Variants in FRMPD4 observed in about 807,000 individuals in gnomAD.
The protein encoded by FRMPD4 is FERM and PDZ domain containing 4.
FRMPD4 carries 22 observed loss-of-function variants against 94.1 expected under a neutral mutation model. That is an observed-to-expected ratio of 0.23 (90% CI 0.17 to 0.33). The LOEUF (loss-of-function observed/expected upper bound fraction) is 0.33, where lower values mean the gene tolerates loss of function less well. FRMPD4 is among the 10% of genes least tolerant of loss of function. FRMPD4 has a pLI of 1.00. For synonymous variants in FRMPD4, 631 were observed against 548.6 expected (o/e 1.15, Z -2.10); for missense variants, 1,111 against 1,339.9 (o/e 0.83, Z 2.67).
chrX:12,239,375 C>T (rs1233759784), intron 1 of FRMPD4, among the ~76,000 whole-genome samples: 1 of 112,695 alleles, frequency 8.9e-6, no homozygotes, highest in African/African-American at 3.2e-5. Context: ...TAGTGTTTCT[C>T]CAAGGAAACT....
intron 1 of FRMPD4, among the ~76,000 whole-genome samples, chrX:12,146,894 C>T (rs2055776663): frequency 8.9e-6 from 1 of 111,972 alleles, no homozygotes; most frequent in Non-Finnish European, 1.9e-5. Context: ...AGTATGCTAT[C>T]GAAGGTTTCC....
rs1172824155 is a variant in FRMPD4 at position 11,978,321 on chromosome X, CAAAAAAAAAAAAAAA to C, written c.95+100317_95+100331del. 3.7e-4 allele frequency among the ~76,000 whole-genome samples: 6 copies of C among 16,355 alleles called. No homozygotes were observed. The South Asian group carries it at 0.049, about 134-fold the overall frequency. 14.2% of individuals were successfully genotyped at this position (16,355 alleles called of 115,157 possible). A position where few individuals can be genotyped will look rare whatever the true frequency, so the allele number is the denominator to read the frequency against. On this transcript the variant is annotated intron_variant, in intron 3 of 18. Coordinates refer to the FRMPD4 transcript ENST00000640291. The stretch of plus-strand genomic sequence containing the variant: ...TGGATGACAGAGTGAAACTCCATCT[CAAAAAAAAAAAAAAA>C]AAAAAAAAAAAAAGTTCCCTGGCTG...
Position 12,689,367 on chromosome X carries a change from A to C in FRMPD4, c.682-828A>C, listed in dbSNP as rs565259464. On this transcript the variant is annotated intron_variant, in intron 7 of 16. Transcript: ENST00000675598. ...ATATGTATATTATTATGGTGCCCTC[A>C]CTCTGTGCCAAACAATGTTATAATA... Among the ~76,000 whole-genome samples, 14 of 111,631 alleles carry C rather than the reference A, an allele frequency of 1.3e-4. No homozygotes were observed. In the South Asian group the frequency reaches 5.3e-3, roughly 42 times the overall value.
intron 3 of FRMPD4, among the ~76,000 whole-genome samples, chrX:11,928,069 T>A (rs1298853299): frequency 9.0e-6 from 1 of 110,992 alleles, no homozygotes; most frequent in South Asian, 3.7e-4. Flanking sequence ...AACAAAACAA[T>A]CCCATTAAAA....
chrX:12,029,139 A>C (rs2054677549), intron 3 of FRMPD4, among the ~76,000 whole-genome samples: 1 of 112,109 alleles, frequency 8.9e-6, no homozygotes, highest in African/African-American at 3.2e-5. Flanking sequence ...CCTTGCTAAC[A>C]TTTGTTGTTG....
chrX:12,694,761 T>C (rs1011384794), intron 9 of FRMPD4, among the ~76,000 whole-genome samples: 1 of 112,040 alleles, frequency 8.9e-6, no homozygotes, highest in African/African-American at 3.2e-5. Flanking sequence ...CAAATACACA[T>C]ACAAATGTAT....
chrX:12,195,066 A>G (rs1467780249), intron 1 of FRMPD4, among the ~76,000 whole-genome samples: 2 of 112,440 alleles, frequency 1.8e-5, no homozygotes, highest in African/African-American at 6.5e-5. Flanking sequence ...CATGTTAAAT[A>G]CTGTATAGAA....
chrX:12,360,259 G>T (rs1025035837), intron 1 of FRMPD4, among the ~76,000 whole-genome samples: 3 of 111,729 alleles, frequency 2.7e-5, no homozygotes, highest in Non-Finnish European at 5.6e-5. Flanking sequence ...AGTTCATTTT[G>T]ATTCTATCCT....
intron 1 of FRMPD4, among the ~76,000 whole-genome samples, chrX:12,475,854 G>A (rs1317947150): frequency 9.0e-6 from 1 of 111,477 alleles, no homozygotes; most frequent in Non-Finnish European, 1.9e-5. Context: ...CTCATGGGTA[G>A]GAAGAATCAA....
intron 3 of FRMPD4, among the ~76,000 whole-genome samples, chrX:11,908,550 G>C (rs1438316891): frequency 9.0e-6 from 1 of 111,691 alleles, no homozygotes; most frequent in Non-Finnish European, 1.9e-5. Context: ...TCCAAATCAA[G>C]GTAGCCCCAT....
intron 1 of FRMPD4, among the ~76,000 whole-genome samples, chrX:12,362,745 G>C (rs2056013892): frequency 1.8e-5 from 2 of 111,750 alleles, no homozygotes; most frequent in Admixed American, 1.9e-4. Flanking sequence ...TGGGTCAAAT[G>C]GTATTTCTAG....
At chrX:12,208,827 A>G (rs2056724766) in intron 1 of FRMPD4, among the ~76,000 whole-genome samples, 1 of 111,709 alleles carries the variant, frequency 9.0e-6, no homozygotes, top group Admixed American at 9.5e-5. Flanking sequence ...GTCTATATCT[A>G]AAGCGTAAAG....
At chrX:12,527,823 T>C (rs2148283749) in intron 2 of FRMPD4, among the ~76,000 whole-genome samples, 1 of 112,261 alleles carries the variant, frequency 8.9e-6, no homozygotes, top group Non-Finnish European at 1.9e-5. Context: ...GTTGTTGGAA[T>C]TTTTCCTAAG....
chrX:12,488,564 T>C lies in FRMPD4; in HGVS notation c.42-10116T>C, dbSNP rs772617797. Among the ~76,000 whole-genome samples the C allele has an allele frequency of 2.7e-5, 3 of 111,935 alleles. No homozygotes were observed. In the South Asian group the frequency reaches 1.1e-3, roughly 42 times the overall value. On this transcript the variant is annotated intron_variant, in intron 1 of 16. Coordinates refer to ENST00000675598, the MANE Select transcript of FRMPD4 (RefSeq NM_001368397.1). ...AGAGATTTAAAACTCCCCATAAATA[T>C]GCAGGTATGTGATGGGTTGAACTAT...
chrX:11,868,060 T>C (rs1451310575), intron 2 of FRMPD4, among the ~76,000 whole-genome samples: 2 of 111,936 alleles, frequency 1.8e-5, no homozygotes, highest in Non-Finnish European at 3.8e-5. Context: ...CTACTATCTA[T>C]TTAATGCTCC....
chrX:11,848,836 C>T (rs1455860789), intron 1 of FRMPD4, among the ~76,000 whole-genome samples: 1 of 111,659 alleles, frequency 9.0e-6, no homozygotes, highest in African/African-American at 3.2e-5. Context: ...TCAATATGTT[C>T]TATAGCTGAC....
intron 3 of FRMPD4, among the ~76,000 whole-genome samples, chrX:11,928,072 C>G (rs1447688240): frequency 8.9e-6 from 1 of 112,063 alleles, no homozygotes; most frequent in African/African-American, 3.2e-5. Flanking sequence ...AAAACAATCC[C>G]ATTAAAAAGT....
chrX:12,139,208 C>T (rs1316800463), intron 1 of FRMPD4, among the ~76,000 whole-genome samples, 196 bp downstream of exon 1: 1 of 111,120 alleles, frequency 9.0e-6, no homozygotes, highest in Non-Finnish European at 1.9e-5. Context: ...GGGTGTAGAC[C>T]ACACACAGAG....
At position 12,367,120 on chromosome X, in the gene FRMPD4, A is replaced by G. The variant is rs367578075; in HGVS notation, c.42-131560A>G. Among the ~76,000 whole-genome samples the G allele has an allele frequency of 8.9e-5, 10 of 112,222 alleles. No homozygotes were observed. In the East Asian group the frequency reaches 2.5e-3, roughly 28 times the overall value. On this transcript the variant is annotated intron_variant, in intron 1 of 16. Transcript: ENST00000675598. ...TGGGAGCAGGTGAAACAGCAGAGACATATACAACCTTGCTTTTCCATTCAC... is the reference window on the plus strand; with the variant it reads ...TGGGAGCAGGTGAAACAGCAGAGACGTATACAACCTTGCTTTTCCATTCAC...
Sources: allele counts gnomAD v4.1 joint callset (sites outside exome capture counted in the v4.1 genomes callset), GRCh38; gene constraint gnomAD v4.1.1; transcripts MANE v1.5; gene names NCBI Gene and HGNC (gene_info 2026-07-23, HGNC 2026-07-21).